MAPKAPK5: variants seen among roughly 807,000 people sequenced by gnomAD.
MAPKAPK5 encodes the protein MAP kinase-activated protein kinase 5.
In MAPKAPK5, 30 loss-of-function variants were observed where a neutral mutation model predicts 65.1. That is an observed-to-expected ratio of 0.46 (90% confidence interval 0.34 to 0.63). The LOEUF (loss-of-function observed/expected upper bound fraction) is 0.63, where lower values mean the gene tolerates loss of function less well. Among genes scored for constraint, MAPKAPK5 ranks in the 20% least tolerant of loss-of-function variants. The pLI is 0.01. For synonymous variants in MAPKAPK5, 179 were observed against 204.6 expected (o/e 0.87, Z 1.07); for missense variants, 433 against 581.4 (o/e 0.74, Z 2.63).
chr12:111,854,772 C>T lies in MAPKAPK5; in HGVS notation c.37-10478C>T, dbSNP rs570823296. Among the ~76,000 whole-genome samples, 4 of 152,242 alleles carry T rather than the reference C, an allele frequency of 2.6e-5. No individual in the cohort carries two copies. The South Asian group carries it at 6.2e-4, about 24-fold the overall frequency. Reference sequence around the variant, plus strand: ...GTGCTTCTGGCACCTAGTGGGTAGACGGCAGGAATGCTGCTGAACATCCTA... The same window carrying T: ...GTGCTTCTGGCACCTAGTGGGTAGATGGCAGGAATGCTGCTGAACATCCTA... On this transcript the variant is annotated intron_variant, in intron 1 of 13. Transcript: ENST00000550735.
At chr12:111,864,995 C>T (rs1179742939) in intron 1 of MAPKAPK5, among the ~76,000 whole-genome samples, 1 of 152,154 alleles carries the variant, frequency 6.6e-6, no homozygotes, top group Non-Finnish European at 1.5e-5. Context: ...TGGAAATGTA[C>T]CTTATAGATG....
intron 8 of MAPKAPK5, among the ~76,000 whole-genome samples, chr12:111,882,492 C>T (rs1342937505): frequency 1.3e-5 from 2 of 152,174 alleles, no homozygotes. Flanking sequence ...GGCAGGCTCA[C>T]GGGGCTGCCA....
intron 1 of MAPKAPK5, among the ~76,000 whole-genome samples, chr12:111,844,746 A>G (rs1270801104): frequency 6.6e-6 from 1 of 152,228 alleles, no homozygotes; most frequent in Non-Finnish European, 1.5e-5. Flanking sequence ...TAAATAGGGT[A>G]GTCCGAGGAG....
In MAPKAPK5 at chr12:111,896,889, T is replaced by G. The variant is rs766490370; in HGVS notation, c.*3828T>G. On this transcript the variant is annotated 3_prime_UTR_variant, in exon 14 of 14. Transcript: ENST00000550735. Reference sequence around the variant, plus strand: ...CATGCCTTTAGTAATCCCAGCACTTTGGGAAGCTGAGGCGGGCAGATCACC... The same window carrying G: ...CATGCCTTTAGTAATCCCAGCACTTGGGGAAGCTGAGGCGGGCAGATCACC... The G allele has an allele frequency of 6.6e-6, 1 of 152,158 alleles. No homozygotes were observed. Among genetic ancestry groups the G allele is most frequent in the Non-Finnish European group, 1.5e-5 (1 of 68,042 alleles). 9.4% of individuals were successfully genotyped at this position (152,158 alleles called of 1,614,324 possible). A position where few individuals can be genotyped will look rare whatever the true frequency, so the allele number is the denominator to read the frequency against.
At position 111,844,356 on chromosome 12, in the gene MAPKAPK5, A is replaced by G. The variant is rs757453824; in HGVS notation, c.36+1587A>G. Among the ~76,000 whole-genome samples the G allele has an allele frequency of 1.0e-4, 15 of 150,326 alleles. No individual in the cohort carries two copies. In the Middle Eastern group the frequency reaches 0.014, roughly 141 times the overall value. ...CAGGCACGTGCCACCACACCCAGCT[A>G]ATTTTTTTGTATTTTTAGTAGAGGT... is the stretch of plus-strand genomic sequence containing the variant. On this transcript the variant is annotated intron_variant, in intron 1 of 13. Transcript: ENST00000550735.
Position 111,897,454 on chromosome 12 carries a change from A to G in MAPKAPK5, c.*4393A>G, listed in dbSNP as rs553037179. On this transcript the variant is annotated 3_prime_UTR_variant, in exon 14 of 14. Coordinates refer to ENST00000550735, the MANE Select transcript of MAPKAPK5 (RefSeq NM_003668.4). ...TTAGAAAATTGGATATTTCATTTTA[A>G]TTATTTATTTAAAGAGTAGAGTGTT... The G allele has an allele frequency of 6.6e-6, 1 of 152,328 alleles. No homozygotes were observed. Among genetic ancestry groups the G allele is most frequent in the East Asian group, 1.9e-4 (1 of 5,196 alleles). 9.4% of individuals were successfully genotyped at this position (152,328 alleles called of 1,614,324 possible).
chr12:111,873,634 C>T (rs2069858239), intron 7 of MAPKAPK5, among the ~76,000 whole-genome samples: 1 of 152,130 alleles, frequency 6.6e-6, no homozygotes, highest in Admixed American at 6.5e-5. Flanking sequence ...TGAGCCACTG[C>T]GCCTGGCCTG....
chr12:111,852,843 G>A lies in MAPKAPK5; in HGVS notation c.36+10074G>A, dbSNP rs1287797856. On this transcript the variant is annotated intron_variant, in intron 1 of 13. Transcript: ENST00000550735. ...GGCTTAAGTGCAGTAGTGCAATCTC[G>A]GCTGACGGCAACCTCTGCCTCCCAG... Among the ~76,000 whole-genome samples, 3 of 152,058 alleles carry A rather than the reference G, an allele frequency of 2.0e-5. No individual in the cohort carries two copies. The South Asian group carries it at 6.3e-4, about 32-fold the overall frequency.
chr12:111,888,238 C>A, intron 10 of MAPKAPK5: 1 of 392,846 alleles, frequency 2.5e-6, no homozygotes, highest in Non-Finnish European at 4.6e-6. Flanking sequence ...GTATTTCTTA[C>A]TCGCATTTCT....
intron 1 of MAPKAPK5, among the ~76,000 whole-genome samples, chr12:111,859,382 G>A (rs2069351932): frequency 1.3e-5 from 2 of 150,856 alleles, no homozygotes; most frequent in Admixed American, 6.6e-5. Context: ...AGGTTCAAGC[G>A]ATTCTCCTGC....
chr12:111,892,133 TTG>T (rs1204136940), intron 13 of MAPKAPK5, among the ~76,000 whole-genome samples: 1 of 152,198 alleles, frequency 6.6e-6, no homozygotes, highest in African/African-American at 2.4e-5. Flanking sequence ...TCCATCCATG[TTG>T]TGTGTAGCAG....
chr12:111,880,664 G>T, intron 8 of MAPKAPK5, 137 bp downstream of exon 8: 1 of 686,706 alleles, frequency 1.5e-6, no homozygotes, highest in Non-Finnish European at 2.5e-6. Flanking sequence ...AGCCAGACTC[G>T]CAGAAAAGTA....
At chr12:111,868,344 A>G (rs547044262) in intron 4 of MAPKAPK5, among the ~76,000 whole-genome samples, 6 of 152,340 alleles carry the variant, frequency 3.9e-5, no homozygotes, top group South Asian at 2.1e-4. Flanking sequence ...GCTGCTAACT[A>G]TAGTCTGGGA....
intron 7 of MAPKAPK5, among the ~76,000 whole-genome samples, chr12:111,877,365 G>T (rs1300558323): frequency 1.3e-5 from 2 of 151,750 alleles, no homozygotes; most frequent in Non-Finnish European, 2.9e-5. Flanking sequence ...GACTCCATTT[G>T]CTTATTTTTT....
chr12:111,862,362 G>C (rs1211399719), intron 1 of MAPKAPK5, among the ~76,000 whole-genome samples: 3 of 152,188 alleles, frequency 2.0e-5, no homozygotes, highest in Non-Finnish European at 4.4e-5. Flanking sequence ...GTCTCTACAA[G>C]TTGAACTTTC....
At chr12:111,858,821 G>C (rs113684917) in intron 1 of MAPKAPK5, among the ~76,000 whole-genome samples, 2 of 146,406 alleles carry the variant, frequency 1.4e-5, no homozygotes, top group Non-Finnish European at 3.0e-5. Flanking sequence ...GATTACAGGC[G>C]TGAGCCACCG....
At chr12:111,864,158 C>G (rs1044630604) in intron 1 of MAPKAPK5, among the ~76,000 whole-genome samples, 1 of 151,820 alleles carries the variant, frequency 6.6e-6, no homozygotes, top group Non-Finnish European at 1.5e-5. Context: ...GCCTGTTTTC[C>G]TAGTTACTTG....
intron 1 of MAPKAPK5, among the ~76,000 whole-genome samples, chr12:111,851,750 GA>G (rs1469920803): frequency 2.6e-5 from 4 of 152,220 alleles, no homozygotes; most frequent in Non-Finnish European, 5.9e-5. Flanking sequence ...CATTGTTATG[GA>G]AAAAGCTGTG....
intron 7 of MAPKAPK5, among the ~76,000 whole-genome samples, chr12:111,876,205 CAAA>C (rs751802746): frequency 1.1e-4 from 5 of 43,554 alleles, no homozygotes; most frequent in Non-Finnish European, 1.7e-4. Context: ...GACTCCATCT[CAAA>C]AAAAAAAAAA....
Sources: gnomAD v4.1 joint callset for allele counts (sites outside exome capture counted in the v4.1 genomes callset) on GRCh38, gnomAD v4.1.1 for gene constraint, MANE v1.5 for transcripts, NCBI Gene and HGNC (gene_info 2026-07-23, HGNC 2026-07-21) for gene names.